The following PDE1A variants were observed in gnomAD, a reference collection of about 807,000 sequenced individuals.
PDE1A encodes the protein dual specificity calcium/calmodulin-dependent 3',5'-cyclic nucleotide phosphodiesterase 1A.
PDE1A carries 35 observed loss-of-function variants against 61.7 expected under a neutral mutation model. That is an observed-to-expected ratio of 0.57 (90% CI 0.43 to 0.75). PDE1A has a LOEUF of 0.75. PDE1A is among the 30% of genes least tolerant of loss of function. The pLI is 0.00. For missense variants in PDE1A, 597 were observed against 630.6 expected (o/e 0.95, Z 0.57); for synonymous variants, 232 against 213.2 (o/e 1.09, Z -0.77).
the PDE1A span, among the ~76,000 whole-genome samples, chr2:182,666,624 T>A: frequency 2.0e-5 from 3 of 149,420 alleles, no homozygotes; most frequent in East Asian, 3.9e-4. Context: ...AAAAAAAAAA[T>A]TATAGACAAT....
intron 7 of PDE1A, among the ~76,000 whole-genome samples, chr2:182,211,255 C>T (rs768384388): frequency 1.3e-5 from 2 of 152,148 alleles, no homozygotes; most frequent in African/African-American, 2.4e-5. Flanking sequence ...CGTGTTAGCA[C>T]CATTTATTGA....
At chr2:182,235,320 T>C (rs1259422624) in intron 3 of PDE1A, among the ~76,000 whole-genome samples, 3 of 152,174 alleles carry the variant, frequency 2.0e-5, no homozygotes, top group Non-Finnish European at 1.5e-5. Flanking sequence ...ATTTTTGTAT[T>C]TTCAGTAGAG....
chr2:182,476,723 A>T (rs889355685), intron 2 of PDE1A, among the ~76,000 whole-genome samples: 3 of 151,924 alleles, frequency 2.0e-5, no homozygotes, highest in Admixed American at 1.3e-4. Flanking sequence ...TCTAATTTTC[A>T]GTGATCCATT....
intron 13 of PDE1A, among the ~76,000 whole-genome samples, chr2:182,155,524 T>TA (rs984995504): frequency 2.9e-4 from 44 of 152,368 alleles, no homozygotes; most frequent in Admixed American, 2.9e-3. Flanking sequence ...TTCATCTTTA[T>TA]AATGAATGGC....
chr2:182,476,509 TA>T (rs1164317996), intron 2 of PDE1A, among the ~76,000 whole-genome samples: 1 of 151,776 alleles, frequency 6.6e-6, no homozygotes, highest in Non-Finnish European at 1.5e-5. Context: ...ATTAATTAAA[TA>T]AAAGTAGTGT....
chr2:182,561,614 G>A, the PDE1A span, among the ~76,000 whole-genome samples: 1 of 152,148 alleles, frequency 6.6e-6, no homozygotes, highest in Non-Finnish European at 1.5e-5. Context: ...TAGCTTGATG[G>A]GAATGCTATT....
At chr2:182,537,503 T>C in the PDE1A span, among the ~76,000 whole-genome samples, 581 of 151,910 alleles carry the variant, frequency 3.8e-3, 1 homozygote, top group African/African-American at 0.013. Flanking sequence ...TGTCGGGGGA[T>C]TGGGGGCAAG....
downstream of PDE1A, among the ~76,000 whole-genome samples, chr2:182,166,649 G>A (rs1321969510): frequency 2.0e-5 from 3 of 152,124 alleles, no homozygotes; most frequent in African/African-American, 4.8e-5. Flanking sequence ...CTTTATGACT[G>A]CATGAGGCAA....
intron 1 of PDE1A, among the ~76,000 whole-genome samples, chr2:182,417,285 C>G (rs188591693): frequency 4.5e-4 from 69 of 152,346 alleles, no homozygotes; most frequent in African/African-American, 1.5e-3. Context: ...CAGTGTTCAC[C>G]TGCAAGTGTT....
At chr2:182,289,033 C>T (rs1244130503) in intron 1 of PDE1A, among the ~76,000 whole-genome samples, 2 of 151,986 alleles carry the variant, frequency 1.3e-5, no homozygotes, top group South Asian at 4.2e-4. Flanking sequence ...CTATACCACT[C>T]TTCCTCACCT....
At chr2:182,581,060 C>T in the PDE1A span, among the ~76,000 whole-genome samples, 11 of 152,076 alleles carry the variant, frequency 7.2e-5, no homozygotes, top group Non-Finnish European at 1.5e-4. Context: ...TAGCTGTTGA[C>T]CACATAGGCA....
intron 1 of PDE1A, among the ~76,000 whole-genome samples, chr2:182,356,361 CATCT>C (rs1480861506): frequency 2.6e-5 from 4 of 152,042 alleles, no homozygotes; most frequent in African/African-American, 9.7e-5. Flanking sequence ...AAACTTTTTC[CATCT>C]AAGTTTTAAA....
chr2:182,178,310 T>C lies in PDE1A; in HGVS notation c.1516+7582A>G, dbSNP rs532269025. 3.9e-5 allele frequency among the ~76,000 whole-genome samples: 6 copies of C among 152,268 alleles called. No homozygotes were observed. The South Asian group carries it at 1.2e-3, about 32-fold the overall frequency. On this transcript the variant is annotated intron_variant, in intron 13 of 13. Coordinates refer to ENST00000351439, the Ensembl canonical transcript of PDE1A. ...AGGTTTCTCACTCCCTGGACATGGATCTAGGTTTTCCCTAAGAGAAGCAAA... is the reference window on the plus strand; with the variant it reads ...AGGTTTCTCACTCCCTGGACATGGACCTAGGTTTTCCCTAAGAGAAGCAAA...
chr2:182,285,856 C>A (rs1694123776), intron 1 of PDE1A, among the ~76,000 whole-genome samples: 1 of 152,016 alleles, frequency 6.6e-6, no homozygotes, highest in South Asian at 2.1e-4. Context: ...GACTTGCAGA[C>A]CCATGAATGA....
chr2:182,671,361 T>TTTC, the PDE1A span, among the ~76,000 whole-genome samples: 22,978 of 113,346 alleles, frequency 0.2, 2,320 homozygotes, highest in Non-Finnish European at 0.26. Context: ...TTTTTTTTTT[T>TTTC]GTATTTTTAG....
intron 1 of PDE1A, among the ~76,000 whole-genome samples, chr2:182,307,728 C>T (rs1334600364): frequency 6.6e-6 from 1 of 152,070 alleles, no homozygotes; most frequent in Non-Finnish European, 1.5e-5. Context: ...AAATGCTTTG[C>T]TGGGAATCAT....
intron 8 of PDE1A, among the ~76,000 whole-genome samples, chr2:182,205,240 A>G (rs1349351833): frequency 6.6e-6 from 1 of 152,176 alleles, no homozygotes; most frequent in Non-Finnish European, 1.5e-5. Context: ...AGAAGATTCT[A>G]TGATTAATGA....
the PDE1A span, among the ~76,000 whole-genome samples, chr2:182,629,610 C>A: frequency 6.6e-6 from 1 of 152,180 alleles, no homozygotes; most frequent in African/African-American, 2.4e-5. Context: ...ATCTTTCTAA[C>A]ACACAGTCTT....
chr2:182,425,245 A>G (rs553340460), intron 1 of PDE1A, among the ~76,000 whole-genome samples: 1 of 152,238 alleles, frequency 6.6e-6, no homozygotes, highest in South Asian at 2.1e-4. Flanking sequence ...GTTGTGCCTC[A>G]CTGGTGTTGA....
Sources: allele counts gnomAD v4.1 joint callset (sites outside exome capture counted in the v4.1 genomes callset), GRCh38; gene constraint gnomAD v4.1.1; transcripts MANE v1.5; gene names NCBI Gene and HGNC (gene_info 2026-07-23, HGNC 2026-07-21).